The following DNM3 variants were observed in gnomAD, a reference collection of about 807,000 sequenced individuals.
DNM3 encodes dynamin 3.
Under a neutral mutation model 101.6 loss-of-function variants are expected in DNM3, and 47 were observed. The ratio of observed to expected loss-of-function variants is 0.46; its 90% CI spans 0.37 to 0.59. The LOEUF (loss-of-function observed/expected upper bound fraction) is 0.59, where lower values mean the gene tolerates loss of function less well. Ranked by LOEUF, DNM3 falls within the 20% of genes least tolerant of loss-of-function variation. The pLI is 0.00. For synonymous variants in DNM3, 385 were observed against 387.9 expected, an observed-to-expected ratio of 0.99 and a Z score of 0.09; for missense variants, 849 against 1,085.7, an observed-to-expected ratio of 0.78 and a Z score of 3.06.
chr1:172,315,713 A>G (rs1351563343), intron 16 of DNM3, among the ~76,000 whole-genome samples: 2 of 152,220 alleles, frequency 1.3e-5, no homozygotes, highest in African/African-American at 4.8e-5. Flanking sequence ...AAACGAACAA[A>G]GCCTCCAAGA....
At chr1:172,002,178 A>G (rs1183578845) in intron 4 of DNM3, among the ~76,000 whole-genome samples, 1 of 152,078 alleles carries the variant, frequency 6.6e-6, no homozygotes, top group African/African-American at 2.4e-5. Context: ...AATAGATGCT[A>G]ATTAATTGCA....
chr1:172,350,071 G>GA (rs2067127537), intron 17 of DNM3, among the ~76,000 whole-genome samples: 1 of 152,214 alleles, frequency 6.6e-6, no homozygotes, highest in South Asian at 2.1e-4. Context: ...ATCGATTTCT[G>GA]AAAATAAAAA....
chr1:171,970,063 T>C (rs1406088900), intron 2 of DNM3: 1 of 174,194 alleles, frequency 5.7e-6, no homozygotes, highest in Non-Finnish European at 1.1e-5. Context: ...CCACAAGTTT[T>C]GGCGGAAACA....
intron 15 of DNM3, among the ~76,000 whole-genome samples, chr1:172,267,484 C>T (rs1382256041): frequency 6.6e-6 from 1 of 151,978 alleles, no homozygotes; most frequent in Non-Finnish European, 1.5e-5. Flanking sequence ...AAAGTAATAA[C>T]CTCGGTAATA....
chr1:172,231,427 A>G (rs1222596918), intron 14 of DNM3, among the ~76,000 whole-genome samples: 1 of 152,148 alleles, frequency 6.6e-6, no homozygotes, highest in Non-Finnish European at 1.5e-5. Flanking sequence ...GGACATCCAC[A>G]CCAAAAACCC....
At chr1:172,190,448 T>TTG (rs1369310275) in intron 14 of DNM3, among the ~76,000 whole-genome samples, 1 of 152,184 alleles carries the variant, frequency 6.6e-6, no homozygotes, top group Non-Finnish European at 1.5e-5. Flanking sequence ...GTCTTTGCTA[T>TTG]TGTGAATAGT....
Position 172,407,924 on chromosome 1 carries a change from T to C in DNM3, c.*83T>C. ...GATAACCGTTGCAGTAAATCATGAG[T>C]AGTCGCATGTGTGGACATCAGTAGG... On this transcript the variant is annotated 3_prime_UTR_variant, in exon 21 of 21. Transcript: ENST00000627582. The C allele has an allele frequency of 6.2e-7, 1 of 1,605,066 alleles. No individual in the cohort carries two copies. The highest frequency in any genetic ancestry group is 8.5e-7 in the Non-Finnish European group (1 of 1,174,714).
intron 1 of DNM3, among the ~76,000 whole-genome samples, chr1:171,909,690 G>A (rs931129053): frequency 6.6e-6 from 1 of 152,070 alleles, no homozygotes; most frequent in Non-Finnish European, 1.5e-5. Flanking sequence ...TTTGTATGTA[G>A]TTTGTGCTGT....
intron 13 of DNM3, chr1:172,093,732 G>A (rs1405829158): frequency 6.2e-7 from 1 of 1,606,620 alleles, no homozygotes; most frequent in South Asian, 1.1e-5. Context: ...AATTGTACGA[G>A]CTAAGTTCTG....
intron 10 of DNM3, among the ~76,000 whole-genome samples, chr1:172,068,541 A>T (rs1164531272): frequency 6.6e-6 from 1 of 152,098 alleles, no homozygotes; most frequent in Non-Finnish European, 1.5e-5. Flanking sequence ...ACTCAGCAGG[A>T]GCACAGTGCT....
chr1:172,309,218 C>G (rs1313835780), intron 16 of DNM3: 1 of 173,910 alleles, frequency 5.8e-6, no homozygotes, highest in Non-Finnish European at 1.2e-5. Context: ...TTTTGACTTG[C>G]TTAAAATATA....
At chr1:172,262,339 A>G (rs1288964365) in intron 15 of DNM3, among the ~76,000 whole-genome samples, 1 of 152,172 alleles carries the variant, frequency 6.6e-6, no homozygotes, top group East Asian at 1.9e-4. Flanking sequence ...AGCCCTGGCA[A>G]TGGAGTAGAA....
chr1:172,311,423 C>T lies in DNM3; in HGVS notation c.1881+2584C>T, dbSNP rs183254474. 268 of 151,982 alleles carry T rather than the reference C, an allele frequency of 1.8e-3. 2 individuals carry two copies. Among genetic ancestry groups the T allele is most frequent in the African/African-American group, 6.3e-3 (259 of 41,436 alleles). The allele number at this position is 151,982 out of a possible 1,614,324, so 9.4% of individuals were successfully genotyped here. A position where few individuals can be genotyped will look rare whatever the true frequency, so the allele number is the denominator to read the frequency against. ...TTGTAAATTAAACCTATTTCAAATG[C>T]ACTAGACAAGTTTGCCATTTAAACA... On this transcript the variant is annotated intron_variant, in intron 16 of 20. Coordinates refer to ENST00000627582, the MANE Select transcript of DNM3 (RefSeq NM_015569.5).
chr1:172,001,735 G>A (rs544999619), intron 4 of DNM3, among the ~76,000 whole-genome samples: 1 of 152,004 alleles, frequency 6.6e-6, no homozygotes, highest in Non-Finnish European at 1.5e-5. Context: ...GATGAAATTC[G>A]TGAATTGGGC....
At chr1:172,302,252 G>A (rs1322372695) in intron 15 of DNM3, among the ~76,000 whole-genome samples, 7 of 152,202 alleles carry the variant, frequency 4.6e-5, no homozygotes, top group African/African-American at 7.2e-5. Context: ...CCACACCCAC[G>A]GAGCCTTGCT....
chr1:172,217,845 A>G (rs1338629115), intron 14 of DNM3, among the ~76,000 whole-genome samples: 1 of 152,160 alleles, frequency 6.6e-6, no homozygotes. Flanking sequence ...GGAAAAATAC[A>G]TAAACTACCT....
chr1:172,021,110 G>A (rs1408523754), intron 4 of DNM3, among the ~76,000 whole-genome samples: 1 of 152,138 alleles, frequency 6.6e-6, no homozygotes, highest in Non-Finnish European at 1.5e-5. Flanking sequence ...TTACTTGTTG[G>A]GATGGAATGA....
At position 171,987,176 on chromosome 1, in the gene DNM3, T is replaced by C. The variant is rs1190986987; in HGVS notation, c.236-480T>C. 6 of 345,570 alleles carry C rather than the reference T, an allele frequency of 1.7e-5. No individual in the cohort carries two copies. In the East Asian group the frequency reaches 1.0e-3, roughly 58 times the overall value. 21.4% of individuals were successfully genotyped at this position (345,570 alleles called of 1,614,324 possible). A position where few individuals can be genotyped will look rare whatever the true frequency, so the allele number is the denominator to read the frequency against. ...TGTTTTTAAGCTAAAGGATTCCATA[T>C]ATTATTTATTTTTAACAAATTAAAT... is the stretch of plus-strand genomic sequence containing the variant. On this transcript the variant is annotated intron_variant, in intron 2 of 20. Transcript: ENST00000627582.
At chr1:172,061,913 C>T (rs2051258284) in intron 10 of DNM3, among the ~76,000 whole-genome samples, 1 of 151,986 alleles carries the variant, frequency 6.6e-6, no homozygotes, top group Non-Finnish European at 1.5e-5. Context: ...TGGTTGCCAT[C>T]CAGTCAAACT....
Sources: allele counts gnomAD v4.1 joint callset (sites outside exome capture counted in the v4.1 genomes callset), GRCh38; gene constraint gnomAD v4.1.1; transcripts MANE v1.5; gene names NCBI Gene and HGNC (gene_info 2026-07-23, HGNC 2026-07-21).